Variants in FAM219A observed in about 807,000 individuals in gnomAD.
The protein encoded by FAM219A is family with sequence similarity 219 member A.
Under a neutral mutation model 23.4 loss-of-function variants are expected in FAM219A, and 7 were observed. The ratio of observed to expected loss-of-function variants is 0.30; its 90% CI spans 0.17 to 0.56. The LOEUF (loss-of-function observed/expected upper bound fraction) is 0.56. Ranked by LOEUF, FAM219A falls within the 20% of genes least tolerant of loss-of-function variation. The pLI is 0.92. For missense variants in FAM219A, 166 were observed against 246.9 expected, an observed-to-expected ratio of 0.67 and a Z score of 2.20; for synonymous variants, 93 against 99.0, an observed-to-expected ratio of 0.94 and a Z score of 0.36.
chr9:34,430,306 A>G (rs1276813701), intron 1 of FAM219A, among the ~76,000 whole-genome samples: 3 of 152,176 alleles, frequency 2.0e-5, no homozygotes, highest in Admixed American at 2.0e-4. Flanking sequence ...AGTTGGGTGG[A>G]TCTCTTGAGC....
chr9:34,436,230 A>G (rs766528922), intron 1 of FAM219A, among the ~76,000 whole-genome samples: 23 of 151,860 alleles, frequency 1.5e-4, no homozygotes, highest in Non-Finnish European at 2.5e-4. Flanking sequence ...ATTTATAATT[A>G]TTATAATTTC....
chr9:34,438,748 A>G (rs190680966), intron 1 of FAM219A, among the ~76,000 whole-genome samples: 12 of 152,292 alleles, frequency 7.9e-5, no homozygotes, highest in African/African-American at 2.9e-4. Context: ...AAACGCACCA[A>G]TCAGTGCCCT....
At chr9:34,435,132 T>G (rs1265893712) in intron 1 of FAM219A, among the ~76,000 whole-genome samples, 1 of 152,104 alleles carries the variant, frequency 6.6e-6, no homozygotes, top group African/African-American at 2.4e-5. Flanking sequence ...GTGTTGATGA[T>G]TTTCTGTTTC....
chr9:34,442,103 C>T (rs1823197723), intron 1 of FAM219A, among the ~76,000 whole-genome samples: 1 of 152,176 alleles, frequency 6.6e-6, no homozygotes, highest in South Asian at 2.1e-4. Flanking sequence ...GAAATACATA[C>T]ACATCACACC....
intron 1 of FAM219A, among the ~76,000 whole-genome samples, chr9:34,438,117 C>T (rs1177505180): frequency 1.3e-5 from 2 of 152,232 alleles, no homozygotes; most frequent in African/African-American, 2.4e-5. Flanking sequence ...TGCCAGCCCA[C>T]GGGCGCTGTG....
intron 1 of FAM219A, among the ~76,000 whole-genome samples, chr9:34,429,983 T>C (rs1413191473): frequency 1.3e-5 from 2 of 152,158 alleles, no homozygotes; most frequent in African/African-American, 4.8e-5. Flanking sequence ...CCAGGACTCC[T>C]ACTATCCTGA....
chr9:34,431,053 T>C (rs1822679704), intron 1 of FAM219A, among the ~76,000 whole-genome samples: 1 of 152,184 alleles, frequency 6.6e-6, no homozygotes, highest in Admixed American at 6.5e-5. Flanking sequence ...CCATTGTTGA[T>C]AGCAACTGCT....
chr9:34,402,231 TA>T (rs1445267458), intron 4 of FAM219A, 155 bp downstream of exon 4: 1 of 1,598,526 alleles, frequency 6.3e-7, no homozygotes, highest in African/African-American at 1.3e-5. Context: ...GTCCCTGGTG[TA>T]AAAAAATTCC....
intron 1 of FAM219A, among the ~76,000 whole-genome samples, chr9:34,450,038 G>A (rs554260636): frequency 6.8e-4 from 103 of 152,298 alleles, no homozygotes; most frequent in Middle Eastern, 3.4e-3. Context: ...TAGGTCGGGC[G>A]TGGTGGCTTA....
At chr9:34,433,101 T>C (rs1822775256) in intron 1 of FAM219A, among the ~76,000 whole-genome samples, 1 of 152,238 alleles carries the variant, frequency 6.6e-6, no homozygotes, top group Non-Finnish European at 1.5e-5. Flanking sequence ...CTGAAAGAAA[T>C]ATTTGTCCTT....
chr9:34,407,044 G>A (rs936709848), intron 1 of FAM219A, among the ~76,000 whole-genome samples: 8 of 151,802 alleles, frequency 5.3e-5, no homozygotes, highest in South Asian at 2.1e-4. Flanking sequence ...CTCATGATCC[G>A]CCTGCCTCAG....
intron 1 of FAM219A, among the ~76,000 whole-genome samples, chr9:34,438,506 A>G (rs894999355): frequency 1.1e-4 from 16 of 152,046 alleles, no homozygotes; most frequent in Admixed American, 3.3e-4. Flanking sequence ...TTGTGAATGC[A>G]CCAATGGACA....
chr9:34,405,806 C>A, intron 2 of FAM219A, 59 bp downstream of exon 2: 2 of 1,532,236 alleles, frequency 1.3e-6, no homozygotes, highest in African/African-American at 1.4e-5. Context: ...TCATTGTAGA[C>A]CCAGCCCAGA....
At chr9:34,416,256 A>AAAGAAAGG (rs1822016777) in intron 1 of FAM219A, among the ~76,000 whole-genome samples, 8 of 119,362 alleles carry the variant, frequency 6.7e-5, no homozygotes, top group African/African-American at 2.0e-4. Flanking sequence ...AGAAAGAAAG[A>AAAGAAAGG]AAGGGGGAGG....
At chr9:34,430,358 G>A (rs904783330) in intron 1 of FAM219A, among the ~76,000 whole-genome samples, 1 of 151,960 alleles carries the variant, frequency 6.6e-6, no homozygotes, top group African/African-American at 2.4e-5. Flanking sequence ...TCAAAACCCT[G>A]TCTCTACAAA....
intron 1 of FAM219A, among the ~76,000 whole-genome samples, chr9:34,452,833 G>C (rs947939892): frequency 6.6e-6 from 1 of 152,116 alleles, no homozygotes; most frequent in African/African-American, 2.4e-5. Flanking sequence ...CTGACCACTC[G>C]ATGAGAGCCC....
At chr9:34,402,194 C>T in intron 4 of FAM219A, 193 bp downstream of exon 4, 1 of 1,520,390 alleles carries the variant, frequency 6.6e-7, no homozygotes, top group South Asian at 1.3e-5. Flanking sequence ...CCCCTTTCCT[C>T]TCTCTGCCAC....
intron 1 of FAM219A, among the ~76,000 whole-genome samples, chr9:34,427,138 T>C (rs947888063): frequency 1.3e-5 from 2 of 152,108 alleles, no homozygotes; most frequent in African/African-American, 4.8e-5. Flanking sequence ...TCTGGTTAAA[T>C]TTTACTACAT....
At chr9:34,450,084 A>AATAG (rs1281270126) in intron 1 of FAM219A, among the ~76,000 whole-genome samples, 4 of 152,072 alleles carry the variant, frequency 2.6e-5, no homozygotes, top group Non-Finnish European at 5.9e-5. Flanking sequence ...GGCCAAGGTG[A>AATAG]ATAGATCGCT....
Sources: allele counts gnomAD v4.1 joint callset (sites outside exome capture counted in the v4.1 genomes callset), GRCh38; gene constraint gnomAD v4.1.1; transcripts MANE v1.5; gene names NCBI Gene and HGNC (gene_info 2026-07-23, HGNC 2026-07-21).